The following FHIT variants were observed in gnomAD, a reference collection of about 807,000 sequenced individuals.
The protein encoded by FHIT is fragile histidine triad diadenosine triphosphatase, also known as bis(5'-adenosyl)-triphosphatase.
Under a neutral mutation model 17.9 loss-of-function variants are expected in FHIT, and 19 were observed. The ratio of observed to expected loss-of-function variants is 1.06; its 90% CI spans 0.74 to 1.56. The LOEUF (loss-of-function observed/expected upper bound fraction) is 1.56. Among genes scored for constraint, FHIT ranks in the 40% most tolerant of loss-of-function variants. The pLI, the probability that FHIT is intolerant of heterozygous loss-of-function variation, is 0.00. For missense variants in FHIT, 248 were observed against 189.2 expected (o/e 1.31, Z -1.82); for synonymous variants, 81 against 69.7 (o/e 1.16, Z -0.81).
At chr3:60,225,728 G>A (rs1282013832) in intron 5 of FHIT, among the ~76,000 whole-genome samples, 2 of 152,140 alleles carry the variant, frequency 1.3e-5, no homozygotes, top group Admixed American at 6.5e-5. Flanking sequence ...TTAAAACAGC[G>A]ACTTTGGGAT....
At chr3:59,962,829 A>C (rs1707748286) in intron 7 of FHIT, among the ~76,000 whole-genome samples, 1 of 152,266 alleles carries the variant, frequency 6.6e-6, no homozygotes, top group African/African-American at 2.4e-5. Flanking sequence ...AATCACAATA[A>C]ATGAAATAAT....
At position 61,250,497 on chromosome 3, in the gene FHIT, T is replaced by G. The variant is rs561827913; in HGVS notation, c.-213+804A>C. Among the ~76,000 whole-genome samples the G allele has an allele frequency of 1.4e-4, 22 of 152,324 alleles. No individual in the cohort carries two copies. In the East Asian group the frequency reaches 3.5e-3, roughly 24 times the overall value. ...ATTTAGATTTCGGCTTCAGGCAACA[T>G]CCTTTGGCCACTTGACCTGGGAGCA... On this transcript the variant is annotated intron_variant, in intron 1 of 9. Coordinates refer to ENST00000492590, the MANE Select transcript of FHIT (RefSeq NM_002012.4).
At chr3:60,083,576 C>G (rs1003681981) in intron 5 of FHIT, among the ~76,000 whole-genome samples, 1 of 152,086 alleles carries the variant, frequency 6.6e-6, no homozygotes, top group East Asian at 1.9e-4. Flanking sequence ...TCTTCCAATC[C>G]ATGAGCATAC....
intron 5 of FHIT, among the ~76,000 whole-genome samples, chr3:60,212,610 A>T (rs1345036850): frequency 6.6e-6 from 1 of 152,218 alleles, no homozygotes; most frequent in Non-Finnish European, 1.5e-5. Context: ...AGTGTTGTTT[A>T]AGCACTAAAA....
intron 3 of FHIT, among the ~76,000 whole-genome samples, chr3:60,997,251 C>G (rs1200085585): frequency 6.6e-6 from 1 of 152,168 alleles, no homozygotes; most frequent in Non-Finnish European, 1.5e-5. Context: ...CATACAGCAT[C>G]TAATGGATCC....
chr3:60,276,064 T>C (rs943272245), intron 5 of FHIT, among the ~76,000 whole-genome samples: 48 of 151,604 alleles, frequency 3.2e-4, no homozygotes, highest in African/African-American at 9.4e-4. Flanking sequence ...CTCGGCTCAC[T>C]GCAAGCTCTG....
intron 8 of FHIT, among the ~76,000 whole-genome samples, chr3:59,859,040 T>C (rs1310167200): frequency 6.6e-6 from 1 of 152,156 alleles, no homozygotes; most frequent in Non-Finnish European, 1.5e-5. Context: ...ATTTCTAAAA[T>C]CATTCTACAC....
At chr3:60,738,908 C>T (rs1302863066) in intron 4 of FHIT, among the ~76,000 whole-genome samples, 1 of 152,188 alleles carries the variant, frequency 6.6e-6, no homozygotes, top group Non-Finnish European at 1.5e-5. Flanking sequence ...ATGCCACACT[C>T]CCTTATCCTG....
At chr3:59,888,828 T>C (rs887065589) in intron 8 of FHIT, among the ~76,000 whole-genome samples, 2 of 152,134 alleles carry the variant, frequency 1.3e-5, no homozygotes, top group African/African-American at 4.8e-5. Context: ...AAACAGAAAT[T>C]TATTTGGCTC....
chr3:60,134,190 CCT>C (rs1245235393), intron 5 of FHIT, among the ~76,000 whole-genome samples: 1 of 152,112 alleles, frequency 6.6e-6, no homozygotes, highest in Non-Finnish European at 1.5e-5. Flanking sequence ...TAAGTAATTG[CCT>C]AATGGAGTTG....
intron 4 of FHIT, among the ~76,000 whole-genome samples, chr3:60,560,832 CACACACACACACAG>C (rs1210455304): frequency 4.4e-5 from 6 of 135,224 alleles, no homozygotes; most frequent in African/African-American, 1.7e-4. Flanking sequence ...CACACACACA[CACACACACACACAG>C]AGAGAGAGAG....
At chr3:59,996,095 A>G (rs1434357695) in intron 7 of FHIT, among the ~76,000 whole-genome samples, 3 of 152,024 alleles carry the variant, frequency 2.0e-5, no homozygotes, top group East Asian at 1.9e-4. Flanking sequence ...AAACAAAACA[A>G]AACTGGTGAA....
At chr3:61,209,725 C>G (rs1198548716) in intron 1 of FHIT, among the ~76,000 whole-genome samples, 1 of 151,966 alleles carries the variant, frequency 6.6e-6, no homozygotes, top group Admixed American at 6.6e-5. Context: ...AATTTTTTTT[C>G]AAGGTTTTTA....
At chr3:60,430,684 A>G (rs1369832691) in intron 5 of FHIT, among the ~76,000 whole-genome samples, 2 of 152,034 alleles carry the variant, frequency 1.3e-5, no homozygotes, top group Non-Finnish European at 2.9e-5. Context: ...TTCTGCACTT[A>G]TCTCCATCAA....
chr3:60,348,874 T>C (rs1021480515), intron 5 of FHIT, among the ~76,000 whole-genome samples: 2 of 152,200 alleles, frequency 1.3e-5, no homozygotes, highest in Non-Finnish European at 2.9e-5. Flanking sequence ...ATACAAAATA[T>C]TTAGAGCGGA....
intron 4 of FHIT, among the ~76,000 whole-genome samples, chr3:60,569,750 TATATA>T (rs1483970103): frequency 4.7e-4 from 22 of 46,418 alleles, no homozygotes; most frequent in African/African-American, 2.1e-3. Context: ...TATATATATA[TATATA>T]TTTTTTTTTT....
At chr3:60,762,256 A>G (rs1229793388) in intron 4 of FHIT, among the ~76,000 whole-genome samples, 1 of 151,896 alleles carries the variant, frequency 6.6e-6, no homozygotes, top group Non-Finnish European at 1.5e-5. Context: ...CAGCTTCTTA[A>G]CCTCCCTTGC....
intron 5 of FHIT, among the ~76,000 whole-genome samples, chr3:60,187,549 G>C (rs1206850258): frequency 6.6e-6 from 1 of 152,160 alleles, no homozygotes; most frequent in Non-Finnish European, 1.5e-5. Flanking sequence ...TCAATCTAGA[G>C]AGTGGGTGAT....
chr3:60,737,613 A>G (rs1198600795), intron 4 of FHIT, among the ~76,000 whole-genome samples: 3 of 152,174 alleles, frequency 2.0e-5, no homozygotes, highest in Admixed American at 6.5e-5. Flanking sequence ...GGATGATAAC[A>G]TTGTATTTCA....
Sources: gnomAD v4.1 joint callset for allele counts (sites outside exome capture counted in the v4.1 genomes callset) on GRCh38, gnomAD v4.1.1 for gene constraint, MANE v1.5 for transcripts, NCBI Gene and HGNC (gene_info 2026-07-23, HGNC 2026-07-21) for gene names.